EPHA4: variants seen among roughly 807,000 people sequenced by gnomAD.
EPHA4 encodes ephrin type-A receptor 4.
EPHA4 carries 19 observed loss-of-function variants against 108.3 expected under a neutral mutation model. That is an observed-to-expected ratio of 0.18 (90% CI 0.12 to 0.26). The LOEUF is 0.26. Among genes scored for constraint, EPHA4 ranks in the 10% least tolerant of loss-of-function variants. EPHA4 has a pLI of 1.00. For missense variants in EPHA4, 917 were observed against 1,254.0 expected (o/e 0.73, Z 4.06); for synonymous variants, 449 against 455.5 (o/e 0.99, Z 0.18).
At position 221,437,260 on chromosome 2, in the gene EPHA4, C is replaced by T; in HGVS notation, c.2075-138G>A. 8.3e-6 allele frequency: 5 copies of T among 603,074 alleles called. 1 individual carries two copies. The South Asian group carries it at 1.1e-4, about 13-fold the overall frequency. The allele number at this position is 603,074 out of a possible 1,614,324, so 37.4% of individuals were successfully genotyped here. A position where few individuals can be genotyped will look rare whatever the true frequency, so the allele number is the denominator to read the frequency against. On this transcript the variant is annotated intron_variant, in intron 11 of 17. Coordinates refer to ENST00000281821, the MANE Select transcript of EPHA4 (RefSeq NM_004438.5). Reference sequence around the variant, plus strand: ...TTAATTAAAACAAGCCAAGCTTATGCCTCAGCTGTGGGGAGCTAGGAATGA... The same window carrying T: ...TTAATTAAAACAAGCCAAGCTTATGTCTCAGCTGTGGGGAGCTAGGAATGA...
intron 4 of EPHA4, among the ~76,000 whole-genome samples, chr2:221,489,584 A>G (rs555460095): frequency 2.0e-5 from 3 of 152,180 alleles, no homozygotes; most frequent in East Asian, 1.9e-4. Context: ...CCCTGTCCCA[A>G]TGCACCCAAT....
intron 3 of EPHA4, among the ~76,000 whole-genome samples, chr2:221,505,775 G>A (rs1476546635): frequency 1.3e-5 from 2 of 152,144 alleles, no homozygotes; most frequent in African/African-American, 2.4e-5. Flanking sequence ...TCTTGCAAAC[G>A]CAGGGTGCTG....
intron 8 of EPHA4, among the ~76,000 whole-genome samples, chr2:221,447,160 G>A (rs1458148537): frequency 3.3e-5 from 5 of 152,162 alleles, no homozygotes; most frequent in Non-Finnish European, 5.9e-5. Context: ...GCTGTCTAAA[G>A]CTTGGGAAGT....
At chr2:221,559,369 TCTC>T (rs1348034399) in intron 3 of EPHA4, among the ~76,000 whole-genome samples, 2 of 152,150 alleles carry the variant, frequency 1.3e-5, no homozygotes, top group African/African-American at 4.8e-5. Context: ...AATCTGGAGC[TCTC>T]CTTTCATTTT....
At chr2:221,558,153 G>T (rs1694356849) in intron 3 of EPHA4, among the ~76,000 whole-genome samples, 1 of 152,160 alleles carries the variant, frequency 6.6e-6, no homozygotes, top group Non-Finnish European at 1.5e-5. Flanking sequence ...CATAAAAACA[G>T]GATGACAATT....
chr2:221,473,977 A>G (rs1443795243), intron 5 of EPHA4, among the ~76,000 whole-genome samples: 1 of 152,200 alleles, frequency 6.6e-6, no homozygotes, highest in East Asian at 1.9e-4. Flanking sequence ...GTAGGAGCAA[A>G]AGGAAAGGAC....
chr2:221,540,244 ATT>A (rs1693794011), intron 3 of EPHA4, among the ~76,000 whole-genome samples: 1 of 152,136 alleles, frequency 6.6e-6, no homozygotes, highest in Non-Finnish European at 1.5e-5. Context: ...AATTCAATGA[ATT>A]CTCTCTATTC....
Position 221,441,217 on chromosome 2 carries a change from G to C in EPHA4, c.2074+1612C>G, listed in dbSNP as rs546208703. On this transcript the variant is annotated intron_variant, in intron 11 of 17. Transcript: ENST00000281821. ...CTTTTCTTTTTTTTTTTTTTTTTAA[G>C]TAGAGACAGGTTTCTATTAAAAAAA... Among the ~76,000 whole-genome samples, 11 of 127,878 alleles carry C rather than the reference G, an allele frequency of 8.6e-5. No individual in the cohort carries two copies. In the South Asian group the frequency reaches 2.5e-3, roughly 29 times the overall value. 83.9% of individuals were successfully genotyped at this position (127,878 alleles called of 152,430 possible).
intron 4 of EPHA4, among the ~76,000 whole-genome samples, chr2:221,492,905 C>T (rs1404385140): frequency 6.6e-6 from 1 of 152,204 alleles, no homozygotes; most frequent in Non-Finnish European, 1.5e-5. Context: ...TGAAACTATA[C>T]TATTACATTG....
intron 5 of EPHA4, among the ~76,000 whole-genome samples, chr2:221,462,643 T>C (rs1691184233): frequency 6.6e-6 from 1 of 152,148 alleles, no homozygotes. Flanking sequence ...GGACCTTTTG[T>C]GGGGTTGGTT....
rs769389352 is a variant in EPHA4, at chr2:221,563,975, G to A, written c.579C>T (p.Ala193=). 1.2e-6 allele frequency: 2 copies of A among 1,613,846 alleles called. No individual in the cohort carries two copies. Among genetic ancestry groups the A allele is most frequent in the African/African-American group, 1.3e-5 (1 of 74,826 alleles). Residue 193 remains alanine, a synonymous_variant, in exon 3 of 18, where the codon GCC becomes GCT. Transcript: ENST00000281821. The stretch of plus-strand genomic sequence containing the variant: ...TATAGAACACACGGACTGATACCAG[G>A]GCGATGCAGGCCCCCACATCCTGAA... ...LAFQDVGACI[A]LVSVRVFYKK...
intron 15 of EPHA4, among the ~76,000 whole-genome samples, chr2:221,427,327 C>A (rs1689944056): frequency 6.6e-6 from 1 of 152,164 alleles, no homozygotes; most frequent in African/African-American, 2.4e-5. Context: ...ATTCAAAGCA[C>A]TTCTTATTAA....
chr2:221,439,450 C>A (rs548981432), intron 11 of EPHA4, among the ~76,000 whole-genome samples: 2 of 150,888 alleles, frequency 1.3e-5, no homozygotes, highest in African/African-American at 2.4e-5. Context: ...GAGCCAAGAT[C>A]GTGCCACTGC....
At chr2:221,529,336 A>G (rs2106181488) in intron 3 of EPHA4, among the ~76,000 whole-genome samples, 1 of 152,278 alleles carries the variant, frequency 6.6e-6, no homozygotes, top group South Asian at 2.1e-4. Flanking sequence ...GGCGGTCACC[A>G]TTCACAAAGC....
intron 9 of EPHA4, among the ~76,000 whole-genome samples, chr2:221,445,181 A>G (rs536306931): frequency 6.6e-6 from 1 of 152,328 alleles, no homozygotes; most frequent in East Asian, 1.9e-4. Flanking sequence ...CAAGTATTCA[A>G]TAGCTTGTGT....
At chr2:221,467,818 C>T (rs1165022255) in intron 5 of EPHA4, among the ~76,000 whole-genome samples, 1 of 152,124 alleles carries the variant, frequency 6.6e-6, no homozygotes, top group Non-Finnish European at 1.5e-5. Flanking sequence ...AATTTGTTGG[C>T]AGGTTCTGAC....
At chr2:221,471,640 A>G (rs1395704995) in intron 5 of EPHA4, among the ~76,000 whole-genome samples, 1 of 152,182 alleles carries the variant, frequency 6.6e-6, no homozygotes, top group East Asian at 1.9e-4. Flanking sequence ...AAGGGCTCTC[A>G]TTGATATTTC....
intron 3 of EPHA4, among the ~76,000 whole-genome samples, chr2:221,537,950 A>G (rs1056587220): frequency 1.3e-4 from 20 of 152,226 alleles, no homozygotes; most frequent in Non-Finnish European, 2.2e-4. Context: ...TATCCAGACT[A>G]TCTTTTTCAA....
At chr2:221,484,514 G>T (rs983034793) in intron 4 of EPHA4, among the ~76,000 whole-genome samples, 1 of 152,030 alleles carries the variant, frequency 6.6e-6, no homozygotes, top group Non-Finnish European at 1.5e-5. Context: ...TGTATTAAAG[G>T]GAAGATTACT....
Sources: gnomAD v4.1 joint callset for allele counts (sites outside exome capture counted in the v4.1 genomes callset) on GRCh38, gnomAD v4.1.1 for gene constraint, MANE v1.5 for transcripts, NCBI Gene and HGNC (gene_info 2026-07-23, HGNC 2026-07-21) for gene names.